MIGA1: variants seen among roughly 807,000 people sequenced by gnomAD.
MIGA1 encodes mitoguardin 1.
In MIGA1, 58 loss-of-function variants were observed where a neutral mutation model predicts 82.0. That is an observed-to-expected ratio of 0.71 (90% CI 0.57 to 0.88). The LOEUF (loss-of-function observed/expected upper bound fraction) is 0.88. Among genes scored for constraint, MIGA1 ranks in the 40% least tolerant of loss-of-function variants. The pLI, the probability that MIGA1 is intolerant of heterozygous loss-of-function variation, is 0.00. For missense variants in MIGA1, 751 were observed against 749.1 expected (o/e 1.00, Z -0.03); for synonymous variants, 249 against 253.6 (o/e 0.98, Z 0.17).
chr1:77,873,551 A>G (rs1646867326), intron 15 of MIGA1, among the ~76,000 whole-genome samples: 1 of 152,232 alleles, frequency 6.6e-6, no homozygotes, highest in Non-Finnish European at 1.5e-5. Flanking sequence ...GGTGAGATGA[A>G]TGATAAAATC....
intron 2 of MIGA1, among the ~76,000 whole-genome samples, chr1:77,783,886 C>A (rs1250367025): frequency 6.6e-6 from 1 of 152,134 alleles, no homozygotes; most frequent in Admixed American, 6.5e-5. Flanking sequence ...ATGAATTCGA[C>A]CAGGTACCTC....
chr1:77,839,820 G>A (rs1684564477), intron 7 of MIGA1, among the ~76,000 whole-genome samples: 1 of 152,132 alleles, frequency 6.6e-6, no homozygotes. Flanking sequence ...TTGGCTCACT[G>A]CAGCCTCTGC....
chr1:77,797,351 A>G (rs781306432), intron 2 of MIGA1, among the ~76,000 whole-genome samples: 2 of 152,194 alleles, frequency 1.3e-5, no homozygotes, highest in Non-Finnish European at 2.9e-5. Flanking sequence ...CAGGCTGTCT[A>G]TTCTACTGTA....
At chr1:77,806,666 A>G (rs574257004) in intron 4 of MIGA1, among the ~76,000 whole-genome samples, 1 of 152,350 alleles carries the variant, frequency 6.6e-6, no homozygotes, top group Admixed American at 6.5e-5. Context: ...CACAGTAGGT[A>G]TAGATAAAAT....
rs1188460992 is a variant in MIGA1, at chr1:77,847,398, G to C, written c.996+3991G>C. The C allele has an allele frequency of 7.9e-6, 10 of 1,270,620 alleles. No individual in the cohort carries two copies. The East Asian group carries it at 2.3e-4, about 29-fold the overall frequency. The allele number at this position is 1,270,620 out of a possible 1,614,324, so 78.7% of individuals were successfully genotyped here. On this transcript the variant is annotated intron_variant, in intron 8 of 15. Transcript: ENST00000370791. ...CAATACTAAATTGCTTTTGGGGAAAGACTGAAAGCCCAAGTATATTCACAA... is the reference window on the plus strand; with the variant it reads ...CAATACTAAATTGCTTTTGGGGAAACACTGAAAGCCCAAGTATATTCACAA...
chr1:77,789,750 C>T (rs1427560537), intron 2 of MIGA1, among the ~76,000 whole-genome samples: 1 of 151,580 alleles, frequency 6.6e-6, no homozygotes, highest in Admixed American at 6.6e-5. Context: ...CCCTCGTAAT[C>T]CTTGCTATCT....
chr1:77,844,176 A>G (rs1157511938), intron 8 of MIGA1, among the ~76,000 whole-genome samples: 1 of 148,016 alleles, frequency 6.8e-6, no homozygotes, highest in Non-Finnish European at 1.5e-5. Context: ...ATAGATATAT[A>G]TGTATATACA....
intron 14 of MIGA1, among the ~76,000 whole-genome samples, chr1:77,871,821 GT>G (rs200917207): frequency 3.3e-5 from 5 of 151,440 alleles, no homozygotes; most frequent in Non-Finnish European, 4.4e-5. Context: ...CATTTTACTA[GT>G]TTTTTTTTGG....
intron 12 of MIGA1, 108 bp from the exon 13 acceptor site, chr1:77,863,786 G>A: frequency 1.4e-6 from 1 of 721,706 alleles, no homozygotes; most frequent in Non-Finnish European, 2.1e-6. Flanking sequence ...TTTTGAATAA[G>A]CTGATTAAAA....
chr1:77,822,015 A>G (rs1359919887), intron 7 of MIGA1, among the ~76,000 whole-genome samples: 1 of 152,188 alleles, frequency 6.6e-6, no homozygotes, highest in African/African-American at 2.4e-5. Flanking sequence ...CTAAAAGGCT[A>G]GAACTTAAAT....
intron 2 of MIGA1, among the ~76,000 whole-genome samples, chr1:77,786,884 CTT>C (rs1682184684): frequency 6.6e-6 from 1 of 152,212 alleles, no homozygotes; most frequent in South Asian, 2.1e-4. Flanking sequence ...TTTTGGGTAT[CTT>C]TTCAGCAGCA....
intron 12 of MIGA1, among the ~76,000 whole-genome samples, chr1:77,863,319 G>A (rs964005000): frequency 1.3e-5 from 2 of 152,094 alleles, no homozygotes; most frequent in African/African-American, 4.8e-5. Context: ...TTTCCTCCCT[G>A]CATTCATTCT....
At chr1:77,814,984 A>C in intron 6 of MIGA1, 124 bp from the exon 7 acceptor site, 1 of 625,854 alleles carries the variant, frequency 1.6e-6, no homozygotes, top group South Asian at 3.6e-5. Context: ...TACTCTTTCC[A>C]CCATCTCTCA....
chr1:77,786,185 C>T (rs1403540214), intron 2 of MIGA1, among the ~76,000 whole-genome samples: 3 of 152,226 alleles, frequency 2.0e-5, no homozygotes, highest in Non-Finnish European at 2.9e-5. Context: ...CCCTTTCAAC[C>T]ATGGCTAGAG....
At position 77,876,091 on chromosome 1, in the gene MIGA1, C is replaced by A. The variant is rs977095456; in HGVS notation, c.*1027C>A. On this transcript the variant is annotated 3_prime_UTR_variant, in exon 16 of 16. Transcript: ENST00000370791. ...GAGGCTGCAGTGAGCCGAGATCGCACCACTGCACTCCAGCCTGGGCAACAA... is the reference window on the plus strand; with the variant it reads ...GAGGCTGCAGTGAGCCGAGATCGCAACACTGCACTCCAGCCTGGGCAACAA... The A allele has an allele frequency of 6.6e-6, 1 of 152,186 alleles. No individual in the cohort carries two copies. The highest frequency in any genetic ancestry group is 2.4e-5 in the African/African-American group (1 of 41,404). 9.4% of individuals were successfully genotyped at this position (152,186 alleles called of 1,614,324 possible).
At chr1:77,814,185 G>C (rs1683485094) in intron 6 of MIGA1, among the ~76,000 whole-genome samples, 1 of 152,116 alleles carries the variant, frequency 6.6e-6, no homozygotes, top group African/African-American at 2.4e-5. Flanking sequence ...CCAAGGTGCT[G>C]ACCCAAAGTA....
chr1:77,849,456 C>T lies in MIGA1; in HGVS notation c.996+6049C>T, dbSNP rs370199207. On this transcript the variant is annotated intron_variant, in intron 8 of 15. Transcript: ENST00000370791. ...TTCTAATAATGTTGGTTTTGTTGCA[C>T]GAGCTGTTTGTTTTATAAATATTGT... Among the ~76,000 whole-genome samples the T allele has an allele frequency of 9.2e-5, 14 of 152,078 alleles. No individual in the cohort carries two copies. In the East Asian group the frequency reaches 9.7e-4, roughly 10 times the overall value.
chr1:77,819,782 G>A (rs947022028), intron 7 of MIGA1, among the ~76,000 whole-genome samples: 5 of 151,632 alleles, frequency 3.3e-5, no homozygotes, highest in Admixed American at 6.6e-5. Context: ...AGGTTTTGCC[G>A]TGTTACCCAG....
intron 2 of MIGA1, among the ~76,000 whole-genome samples, chr1:77,799,070 A>T (rs1682772786): frequency 6.6e-6 from 1 of 152,136 alleles, no homozygotes; most frequent in African/African-American, 2.4e-5. Flanking sequence ...TTGGTTATTT[A>T]TATATTTTTT....
Sources: allele counts gnomAD v4.1 joint callset (sites outside exome capture counted in the v4.1 genomes callset), GRCh38; gene constraint gnomAD v4.1.1; transcripts MANE v1.5; gene names NCBI Gene and HGNC (gene_info 2026-07-23, HGNC 2026-07-21).